Variants in LRRC4C observed in about 807,000 individuals in gnomAD.
The protein encoded by LRRC4C is leucine-rich repeat-containing protein 4C.
Under a neutral mutation model 33.6 loss-of-function variants are expected in LRRC4C, and 5 were observed. The ratio of observed to expected loss-of-function variants is 0.15; its 90% CI spans 0.08 to 0.31. The LOEUF (loss-of-function observed/expected upper bound fraction) is 0.31, where lower values mean the gene tolerates loss of function less well. Among genes scored for constraint, LRRC4C ranks in the 10% least tolerant of loss-of-function variants. The pLI is 1.00. For missense variants in LRRC4C, 560 were observed against 796.7 expected (o/e 0.70, Z 3.58); for synonymous variants, 329 against 302.0 (o/e 1.09, Z -0.93).
intron 1 of LRRC4C, among the ~76,000 whole-genome samples, chr11:41,169,568 T>C (rs1272893407): frequency 6.6e-6 from 1 of 152,166 alleles, no homozygotes; most frequent in South Asian, 2.1e-4. Context: ...TTAGAATATG[T>C]GGTTGCAAAA....
chr11:41,175,201 C>T (rs1945146325), intron 1 of LRRC4C, among the ~76,000 whole-genome samples: 1 of 152,050 alleles, frequency 6.6e-6, no homozygotes, highest in Non-Finnish European at 1.5e-5. Context: ...CTCCAGCAGC[C>T]TTGAAACTGG....
intron 1 of LRRC4C, among the ~76,000 whole-genome samples, chr11:41,373,210 CT>C (rs993894631): frequency 6.6e-6 from 1 of 151,954 alleles, no homozygotes; most frequent in Middle Eastern, 3.4e-3. Context: ...ATATTGTATC[CT>C]TTTTTTCAGC....
At chr11:41,411,367 C>T (rs1448623111) in intron 1 of LRRC4C, among the ~76,000 whole-genome samples, 1 of 151,436 alleles carries the variant, frequency 6.6e-6, no homozygotes, top group Non-Finnish European at 1.5e-5. Context: ...CCAGGATGGT[C>T]TTGATCTCCT....
chr11:41,198,200 T>C (rs754160595), intron 1 of LRRC4C, among the ~76,000 whole-genome samples: 4 of 152,168 alleles, frequency 2.6e-5, no homozygotes, highest in Admixed American at 6.6e-5. Context: ...TATTCCATTG[T>C]ATGCAATTCA....
chr11:41,112,051 C>T (rs189546763), intron 1 of LRRC4C, among the ~76,000 whole-genome samples: 1 of 151,998 alleles, frequency 6.6e-6, no homozygotes. Flanking sequence ...TGTCTATATC[C>T]AATGACCCTT....
At chr11:41,251,325 T>C (rs940118802) in intron 1 of LRRC4C, among the ~76,000 whole-genome samples, 2 of 152,218 alleles carry the variant, frequency 1.3e-5, no homozygotes, top group African/African-American at 4.8e-5. Flanking sequence ...CATCTAATTC[T>C]TCGCTGTAGA....
intron 2 of LRRC4C, among the ~76,000 whole-genome samples, chr11:40,821,403 C>T (rs890377640): frequency 6.6e-6 from 1 of 151,088 alleles, no homozygotes; most frequent in African/African-American, 2.4e-5. Flanking sequence ...TAATATAAAG[C>T]CACAATAATC....
intron 1 of LRRC4C, among the ~76,000 whole-genome samples, chr11:40,967,626 T>G (rs1212543647): frequency 1.3e-5 from 2 of 152,010 alleles, no homozygotes; most frequent in Admixed American, 1.3e-4. Flanking sequence ...TGGTCAGTGA[T>G]TTCTGATGTT....
intron 3 of LRRC4C, among the ~76,000 whole-genome samples, chr11:40,550,325 C>T (rs985844041): frequency 2.6e-5 from 4 of 152,128 alleles, no homozygotes; most frequent in Non-Finnish European, 5.9e-5. Context: ...GGTTTTACCT[C>T]AAATGTGTCC....
chr11:40,366,460 CTG>C (rs1437989232), intron 3 of LRRC4C, among the ~76,000 whole-genome samples: 2 of 151,892 alleles, frequency 1.3e-5, no homozygotes, highest in African/African-American at 4.8e-5. Flanking sequence ...ACTGGGAATA[CTG>C]TGAGGCTGTG....
chr11:40,215,097 A>G (rs981697741), intron 5 of LRRC4C, among the ~76,000 whole-genome samples: 1 of 152,150 alleles, frequency 6.6e-6, no homozygotes, highest in Non-Finnish European at 1.5e-5. Context: ...CAGTACTACA[A>G]CTAATGATAT....
At position 40,901,991 on chromosome 11, in the gene LRRC4C, TCTCTCTCTACAC is replaced by T. The variant is rs1956221918; in HGVS notation, c.-407+31632_-407+31643del. Among the ~76,000 whole-genome samples, 5 of 143,916 alleles carry T rather than the reference TCTCTCTCTACAC, an allele frequency of 3.5e-5. No homozygotes were observed. The Admixed American group carries it at 3.6e-4, about 10-fold the overall frequency. 94.4% of individuals were successfully genotyped at this position (143,916 alleles called of 152,430 possible). ...TATAAGAAAAGACAATCTCTCTCTC[TCTCTCTCTACAC>T]ACACACACACACACACACACACACA... On this transcript the variant is annotated intron_variant, in intron 2 of 6. Coordinates refer to ENST00000528697, the MANE Select transcript of LRRC4C (RefSeq NM_001258419.2).
chr11:40,206,628 T>C (rs913086441), intron 5 of LRRC4C, among the ~76,000 whole-genome samples: 59 of 152,186 alleles, frequency 3.9e-4, no homozygotes, highest in Admixed American at 3.5e-3. Flanking sequence ...GTACATCTGA[T>C]TGGAATGACT....
intron 1 of LRRC4C, among the ~76,000 whole-genome samples, chr11:41,446,318 G>C (rs1955825437): frequency 6.6e-6 from 1 of 152,198 alleles, no homozygotes; most frequent in African/African-American, 2.4e-5. Flanking sequence ...TCAATACGGA[G>C]AGACTTAAAA....
chr11:40,563,839 A>C (rs1957649907), intron 3 of LRRC4C, among the ~76,000 whole-genome samples: 1 of 152,148 alleles, frequency 6.6e-6, no homozygotes, highest in East Asian at 1.9e-4. Context: ...TACTTTCCCT[A>C]TTTGCTTCCC....
chr11:40,258,909 C>G (rs1450275676), intron 4 of LRRC4C, among the ~76,000 whole-genome samples: 3 of 152,156 alleles, frequency 2.0e-5, no homozygotes, highest in East Asian at 1.9e-4. Context: ...TATTATTAAC[C>G]AAGTCCACAT....
chr11:40,589,405 C>T lies in LRRC4C; in HGVS notation c.-270+58737G>A, dbSNP rs974328047. On this transcript the variant is annotated intron_variant, in intron 3 of 6. Coordinates refer to ENST00000528697, the MANE Select transcript of LRRC4C (RefSeq NM_001258419.2). ...TGAGATGGGTTTCCTGAATACAGCA[C>T]ACTGATGGGTCTTGAGTCTTTATCC... 1.3e-3 allele frequency among the ~76,000 whole-genome samples: 191 copies of T among 152,246 alleles called. 1 individual carries two copies. In the Middle Eastern group the frequency reaches 0.014, roughly 11 times the overall value.
chr11:40,998,984 A>G (rs547014201), intron 1 of LRRC4C, among the ~76,000 whole-genome samples: 1 of 152,244 alleles, frequency 6.6e-6, no homozygotes, highest in Non-Finnish European at 1.5e-5. Context: ...TGAAGAATAA[A>G]TGTGGTGACT....
chr11:40,625,822 TAACA>T lies in LRRC4C; in HGVS notation c.-270+22316_-270+22319del, dbSNP rs1962875369. ...AGGATTGCTGTCATCACTTCCACTA[TAACA>T]AACCTTTTCCAAACACCTCTTCTTT... On this transcript the variant is annotated intron_variant, in intron 3 of 6. Coordinates refer to ENST00000528697, the MANE Select transcript of LRRC4C (RefSeq NM_001258419.2). 2.0e-5 allele frequency among the ~76,000 whole-genome samples: 3 copies of T among 152,144 alleles called. 1 individual carries two copies. Among genetic ancestry groups the T allele is most frequent in the African/African-American group, 7.2e-5 (3 of 41,430 alleles).
Sources: allele counts gnomAD v4.1 joint callset (sites outside exome capture counted in the v4.1 genomes callset), GRCh38; gene constraint gnomAD v4.1.1; transcripts MANE v1.5; gene names NCBI Gene and HGNC (gene_info 2026-07-23, HGNC 2026-07-21).